CAMK1D: variants seen among roughly 807,000 people sequenced by gnomAD.
CAMK1D encodes the protein calcium/calmodulin dependent protein kinase ID, also known as calcium/calmodulin-dependent protein kinase type 1D.
Under a neutral mutation model 47.7 loss-of-function variants are expected in CAMK1D, and 9 were observed. The ratio of observed to expected loss-of-function variants is 0.19; its 90% CI spans 0.11 to 0.33. The LOEUF (loss-of-function observed/expected upper bound fraction) is 0.33. Ranked by LOEUF, CAMK1D falls within the 10% of genes least tolerant of loss-of-function variation. CAMK1D has a pLI of 1.00. For missense variants in CAMK1D, 291 were observed against 488.7 expected (o/e 0.60, Z 3.81); for synonymous variants, 184 against 184.9 (o/e 0.99, Z 0.04).
intron 1 of CAMK1D, among the ~76,000 whole-genome samples, chr10:12,418,689 A>G (rs1369744894): frequency 6.6e-6 from 1 of 152,220 alleles, no homozygotes; most frequent in Non-Finnish European, 1.5e-5. Context: ...AGTGATCAGC[A>G]TTAAATTTTT....
At chr10:12,455,937 G>T (rs1659438534) in intron 1 of CAMK1D, among the ~76,000 whole-genome samples, 1 of 152,202 alleles carries the variant, frequency 6.6e-6, no homozygotes, top group South Asian at 2.1e-4. Flanking sequence ...TATGAAAGCA[G>T]ATCATTGCTT....
intron 3 of CAMK1D, among the ~76,000 whole-genome samples, chr10:12,717,258 T>A (rs567956761): frequency 6.6e-6 from 1 of 152,282 alleles, no homozygotes; most frequent in East Asian, 1.9e-4. Context: ...ATAAGGGAAA[T>A]AATGAGGAAC....
chr10:12,652,843 C>A lies in CAMK1D; in HGVS notation c.225-13893C>A, dbSNP rs182409345. Among the ~76,000 whole-genome samples, 707 of 152,268 alleles carry A rather than the reference C, an allele frequency of 4.6e-3. 3 individuals are homozygous for A. The highest frequency in any genetic ancestry group is 0.015 in the African/African-American group (644 of 41,550). ...AGGTGGATGTGTATTACACACCCCTCGTTTAAAAAACATCAACAAAGCAAA... is the reference window on the plus strand; with the variant it reads ...AGGTGGATGTGTATTACACACCCCTAGTTTAAAAAACATCAACAAAGCAAA... On this transcript the variant is annotated intron_variant, in intron 2 of 10. Coordinates refer to ENST00000619168, the MANE Select transcript of CAMK1D (RefSeq NM_153498.4).
chr10:12,518,085 C>T (rs1297715549), intron 1 of CAMK1D, among the ~76,000 whole-genome samples: 2 of 152,050 alleles, frequency 1.3e-5, no homozygotes, highest in East Asian at 3.8e-4. Context: ...GTAGTATATC[C>T]AGATTGCCTG....
chr10:12,668,161 A>G (rs1295089951), intron 3 of CAMK1D, among the ~76,000 whole-genome samples: 2 of 152,146 alleles, frequency 1.3e-5, no homozygotes, highest in African/African-American at 4.8e-5. Flanking sequence ...TTCTCCCCAA[A>G]TTTGGGAGCA....
intron 2 of CAMK1D, among the ~76,000 whole-genome samples, chr10:12,592,005 G>GT (rs1039540320): frequency 1.4e-4 from 22 of 151,934 alleles, no homozygotes; most frequent in South Asian, 4.2e-4. Flanking sequence ...TTTGTTTTCT[G>GT]TTTTTTTCCT....
At chr10:12,682,174 C>T (rs1410563378) in intron 3 of CAMK1D, among the ~76,000 whole-genome samples, 5 of 152,088 alleles carry the variant, frequency 3.3e-5, no homozygotes, top group South Asian at 2.1e-4. Context: ...GAGCCGAGAT[C>T]GCGTCACTGC....
At chr10:12,734,154 C>T (rs1205807752) in intron 3 of CAMK1D, among the ~76,000 whole-genome samples, 1 of 150,128 alleles carries the variant, frequency 6.7e-6, no homozygotes, top group Non-Finnish European at 1.5e-5. Flanking sequence ...ATGGTGAAAC[C>T]CTGTCTGTAC....
intron 1 of CAMK1D, among the ~76,000 whole-genome samples, chr10:12,497,867 C>T (rs1439835459): frequency 2.6e-5 from 4 of 152,090 alleles, no homozygotes; most frequent in South Asian, 2.1e-4. Context: ...AAGAAATACC[C>T]GAGACTAGAG....
At chr10:12,498,194 G>A (rs74227222) in intron 1 of CAMK1D, among the ~76,000 whole-genome samples, 1,856 of 152,316 alleles carry the variant, frequency 0.012, 60 homozygotes, top group South Asian at 0.093. Flanking sequence ...CAGGAAGGGC[G>A]GGAGAAAAGA....
At chr10:12,761,548 A>G (rs537730089) in intron 4 of CAMK1D, among the ~76,000 whole-genome samples, 84 of 152,212 alleles carry the variant, frequency 5.5e-4, no homozygotes, top group Non-Finnish European at 1.0e-3. Flanking sequence ...AGGTAAGCAG[A>G]TATAGAAGAG....
At chr10:12,741,829 G>A (rs888690032) in intron 3 of CAMK1D, among the ~76,000 whole-genome samples, 2 of 152,168 alleles carry the variant, frequency 1.3e-5, no homozygotes, top group African/African-American at 4.8e-5. Context: ...GAACTGAGAC[G>A]GCCCTGCAGG....
At chr10:12,579,075 T>C (rs756410137) in intron 2 of CAMK1D, among the ~76,000 whole-genome samples, 4 of 151,544 alleles carry the variant, frequency 2.6e-5, no homozygotes, top group South Asian at 4.2e-4. Flanking sequence ...CACCGAGAAA[T>C]TGAACAGAGC....
At chr10:12,371,492 C>T (rs534680058) in intron 1 of CAMK1D, among the ~76,000 whole-genome samples, 80 of 149,168 alleles carry the variant, frequency 5.4e-4, no homozygotes, top group Non-Finnish European at 9.3e-4. Context: ...AGGAGAATGG[C>T]GTGAACCCAG....
intron 1 of CAMK1D, among the ~76,000 whole-genome samples, chr10:12,470,007 C>A (rs1201790379): frequency 6.6e-6 from 1 of 152,078 alleles, no homozygotes; most frequent in East Asian, 1.9e-4. Flanking sequence ...TGCTTGATTG[C>A]TTTAGATTTT....
chr10:12,733,505 T>A (rs990547275), intron 3 of CAMK1D, among the ~76,000 whole-genome samples: 1 of 152,182 alleles, frequency 6.6e-6, no homozygotes, highest in Non-Finnish European at 1.5e-5. Flanking sequence ...TTAATTGAAT[T>A]TCCATCAGAC....
chr10:12,765,604 C>G (rs1053073650), intron 4 of CAMK1D, among the ~76,000 whole-genome samples: 3 of 152,214 alleles, frequency 2.0e-5, no homozygotes, highest in African/African-American at 7.2e-5. Context: ...CATCAGATCC[C>G]TAATGCCTTT....
chr10:12,691,546 C>A (rs1832930181), intron 3 of CAMK1D, among the ~76,000 whole-genome samples: 2 of 149,770 alleles, frequency 1.3e-5, no homozygotes, highest in African/African-American at 5.0e-5. Context: ...AATTCTCCTG[C>A]CTCAGCCTCC....
intron 2 of CAMK1D, among the ~76,000 whole-genome samples, chr10:12,641,024 T>C (rs1380639360): frequency 6.6e-6 from 1 of 152,130 alleles, no homozygotes; most frequent in Non-Finnish European, 1.5e-5. Context: ...AGTGGTGTGA[T>C]CTTGGCTCAC....
Sources: allele counts gnomAD v4.1 joint callset (sites outside exome capture counted in the v4.1 genomes callset), GRCh38; gene constraint gnomAD v4.1.1; transcripts MANE v1.5; gene names NCBI Gene and HGNC (gene_info 2026-07-23, HGNC 2026-07-21).